Variants in GLDC observed in about 807,000 individuals in gnomAD.
GLDC encodes glycine decarboxylase, also known as glycine dehydrogenase (decarboxylating), mitochondrial.
Under a neutral mutation model 121.3 loss-of-function variants are expected in GLDC, and 104 were observed. The observed-to-expected ratio is 0.86, with a 90% CI of 0.73 to 1.01. The LOEUF (loss-of-function observed/expected upper bound fraction) is 1.01. Ranked by LOEUF, GLDC falls within the 50% of genes least tolerant of loss-of-function variation. The pLI is 0.00. For synonymous variants in GLDC, 546 were observed against 480.6 expected (o/e 1.14, Z -1.78); for missense variants, 1,429 against 1,306.6 (o/e 1.09, Z -1.44).
At chr9:6,571,632 C>A (rs56301407) in intron 15 of GLDC, among the ~76,000 whole-genome samples, 7,826 of 152,204 alleles carry the variant, frequency 0.051, 434 homozygotes, top group African/African-American at 0.14. Context: ...ATATGCTGGA[C>A]AAAGGGCTGA....
At chr9:6,585,255 C>G (rs1818245683) in intron 15 of GLDC, among the ~76,000 whole-genome samples, 1 of 152,136 alleles carries the variant, frequency 6.6e-6, no homozygotes, top group Non-Finnish European at 1.5e-5. Context: ...AGCTAATAAC[C>G]AGAATTAAAA....
intron 15 of GLDC, among the ~76,000 whole-genome samples, chr9:6,572,231 A>G (rs1192998176): frequency 6.6e-6 from 1 of 152,252 alleles, no homozygotes; most frequent in Non-Finnish European, 1.5e-5. Flanking sequence ...TACAAGGACA[A>G]GCTACAGAAC....
chr9:6,626,912 C>T (rs1280146263), intron 2 of GLDC, among the ~76,000 whole-genome samples: 1 of 152,208 alleles, frequency 6.6e-6, no homozygotes, highest in East Asian at 1.9e-4. Context: ...CCCAATTCAT[C>T]AGTTCTGGGT....
At chr9:6,605,056 C>CAG (rs926294990) in intron 6 of GLDC, 75 bp downstream of exon 6, 20 of 1,351,950 alleles carry the variant, frequency 1.5e-5, no homozygotes, top group African/African-American at 2.9e-5. Context: ...CATGAAAAGA[C>CAG]AGAGAGAGAG....
intron 8 of GLDC, among the ~76,000 whole-genome samples, chr9:6,599,751 T>C (rs1009600508): frequency 4.2e-5 from 6 of 142,298 alleles, no homozygotes; most frequent in Admixed American, 4.2e-4. Flanking sequence ...AAAAAACAAA[T>C]AAATAAATAA....
intron 22 of GLDC, among the ~76,000 whole-genome samples, chr9:6,536,565 C>T (rs1324422660): frequency 6.6e-6 from 1 of 152,126 alleles, no homozygotes; most frequent in African/African-American, 2.4e-5. Context: ...AATGATATCC[C>T]ATTTCTATAT....
intron 11 of GLDC, among the ~76,000 whole-genome samples, chr9:6,589,832 G>A (rs1295495586): frequency 6.6e-6 from 1 of 152,186 alleles, no homozygotes; most frequent in Non-Finnish European, 1.5e-5. Context: ...CGAGGTGGGT[G>A]GATCACAAGG....
At chr9:6,534,244 T>C (rs1165977846) in intron 24 of GLDC, 1 of 158,342 alleles carries the variant, frequency 6.3e-6, no homozygotes, top group Non-Finnish European at 1.4e-5. Context: ...TCCTCTCCAA[T>C]GAATACAGGA....
chr9:6,644,991 A>G (rs1819711098), intron 1 of GLDC, among the ~76,000 whole-genome samples: 1 of 152,066 alleles, frequency 6.6e-6, no homozygotes, highest in Admixed American at 6.5e-5. Flanking sequence ...CCACAGGGCC[A>G]CTTGGGCTGG....
In GLDC at chr9:6,604,642, G is replaced by A. The variant is rs750791553; in HGVS notation, c.1004C>T (p.Ala335Val). ...CATTCTCACCAAGCTTTCTCGGACA[G>A]CAAAAAATGCTGCATGGGGTCCCCC... is the stretch of plus-strand genomic sequence containing the variant. ...GYGGPHAAFF[A>V]VRESLVRMMP... Residue 335 changes from alanine (A) to valine (V), a missense_variant, in exon 7 of 25, where the codon GCT (alanine) becomes GTT (valine). Coordinates refer to ENST00000321612, the MANE Select transcript of GLDC (RefSeq NM_000170.3). 1 of 1,613,754 alleles carries A rather than the reference G, an allele frequency of 6.2e-7. No homozygotes were observed. The highest frequency in any genetic ancestry group is 1.1e-5 in the South Asian group (1 of 91,052).
intron 3 of GLDC, among the ~76,000 whole-genome samples, chr9:6,615,215 G>A (rs1201067673): frequency 6.6e-6 from 1 of 152,144 alleles, no homozygotes; most frequent in Non-Finnish European, 1.5e-5. Flanking sequence ...ATTAGCATCT[G>A]TAAGTTATTT....
chr9:6,561,077 C>G (rs1346949294), intron 16 of GLDC, among the ~76,000 whole-genome samples: 1 of 152,220 alleles, frequency 6.6e-6, no homozygotes, highest in Non-Finnish European at 1.5e-5. Context: ...TCTACCAACA[C>G]TTTGACTTTA....
In GLDC at chr9:6,558,496, C is replaced by T. The variant is rs536077307; in HGVS notation, c.2052+63G>A. ...AAGACATTTACATAATCCATCAAGT[C>T]CCTGATCCCCACCAGCACTCCCCAT... is the stretch of plus-strand genomic sequence containing the variant. On this transcript the variant is annotated intron_variant, in intron 17 of 24. Transcript: ENST00000321612. The T allele has an allele frequency of 1.1e-4, 173 of 1,579,408 alleles. No individual in the cohort carries two copies. The South Asian group carries it at 1.8e-3, about 17-fold the overall frequency.
chr9:6,626,863 AGAG>A (rs1819253230), intron 2 of GLDC, among the ~76,000 whole-genome samples: 1 of 152,166 alleles, frequency 6.6e-6, no homozygotes, highest in Admixed American at 6.6e-5. Context: ...ACAGTAAGGA[AGAG>A]AAGATGCCAC....
At position 6,606,614 on chromosome 9, in the gene GLDC, C is replaced by A. The variant is rs1046550773; in HGVS notation, c.691G>T (p.Ala231Ser). The change falls in exon 5 of 25, where the codon GCT (alanine) becomes TCT (serine). Residue 231 changes from alanine (A) to serine (S), a missense_variant. Physicochemically the swap from Ala to Ser is moderately conservative, Grantham distance 99. Transcript: ENST00000321612. ...TACTTGGCTCGAGTCTGGACAACAG[C>A]TATTGTCTGTGGGTGGCAACGGGGA... is the stretch of plus-strand genomic sequence containing the variant. The part of the protein sequence containing the change: ...VDPRCHPQTI[A>S]VVQTRAKYTG... The A allele has an allele frequency of 6.2e-7, 1 of 1,605,262 alleles. No individual in the cohort carries two copies.
At chr9:6,536,933 A>G (rs1817140031) in intron 22 of GLDC, among the ~76,000 whole-genome samples, 1 of 152,198 alleles carries the variant, frequency 6.6e-6, no homozygotes, top group South Asian at 2.1e-4. Context: ...AGGTTTTCAC[A>G]TGTAAGGTAG....
At chr9:6,602,033 AAATG>A in intron 8 of GLDC, 72 bp downstream of exon 8, 28 of 917,344 alleles carry the variant, frequency 3.1e-5, no homozygotes, top group Middle Eastern at 2.1e-4. Context: ...ATAAATGAAC[AAATG>A]AATGAATGAA....
In GLDC at chr9:6,593,198, A is replaced by C. The variant is rs79119366; in HGVS notation, c.1262-208T>G. On this transcript the variant is annotated intron_variant, in intron 9 of 24. Coordinates refer to ENST00000321612, the MANE Select transcript of GLDC (RefSeq NM_000170.3). ...ACATATAAAAGAGTAAGGAAAATCA[A>C]CATACAATTGCATTACTGCGTGTAT... 8.0e-3 allele frequency: 4,511 copies of C among 563,390 alleles called. 151 individuals are homozygous for C. Among genetic ancestry groups the C allele is most frequent in the African/African-American group, 0.076 (4,033 of 52,848 alleles). The allele number at this position is 563,390 out of a possible 1,614,324, so 34.9% of individuals were successfully genotyped here. A position where few individuals can be genotyped will look rare whatever the true frequency, so the allele number is the denominator to read the frequency against.
At chr9:6,568,245 C>T (rs1817889031) in intron 15 of GLDC, among the ~76,000 whole-genome samples, 1 of 152,128 alleles carries the variant, frequency 6.6e-6, no homozygotes, top group Non-Finnish European at 1.5e-5. Flanking sequence ...AGCTATGTTT[C>T]AACCCAAAAA....
Sources: gnomAD v4.1 joint callset for allele counts (sites outside exome capture counted in the v4.1 genomes callset) on GRCh38, gnomAD v4.1.1 for gene constraint, MANE v1.5 for transcripts, NCBI Gene and HGNC (gene_info 2026-07-23, HGNC 2026-07-21) for gene names.